Variants in MRPL3 observed in about 807,000 individuals in gnomAD.
MRPL3 encodes the protein large ribosomal subunit protein uL3m.
Under a neutral mutation model 44.3 loss-of-function variants are expected in MRPL3, and 43 were observed. The ratio of observed to expected loss-of-function variants is 0.97; its 90% CI spans 0.76 to 1.25. The LOEUF (loss-of-function observed/expected upper bound fraction) is 1.25, where lower values mean the gene tolerates loss of function less well. Among genes scored for constraint, MRPL3 ranks in the 50% most tolerant of loss-of-function variants. The probability of loss-of-function intolerance (pLI) is 0.00; values close to 1 mark genes in which losing one functional copy is unlikely to be tolerated. For missense variants in MRPL3, 406 were observed against 427.6 expected (o/e 0.95, Z 0.45); for synonymous variants, 171 against 152.3 (o/e 1.12, Z -0.91).
chr3:131,493,641 T>C (rs968340207), intron 4 of MRPL3, among the ~76,000 whole-genome samples: 2 of 152,186 alleles, frequency 1.3e-5, no homozygotes, highest in Non-Finnish European at 2.9e-5. Context: ...TCTTCCCACT[T>C]TTCTACTCTT....
intron 6 of MRPL3, among the ~76,000 whole-genome samples, chr3:131,480,550 T>C (rs1933961028): frequency 6.6e-6 from 1 of 152,224 alleles, no homozygotes; most frequent in Non-Finnish European, 1.5e-5. Context: ...TTACGGCTTT[T>C]CTGACATCAA....
intron 2 of MRPL3, 149 bp from the exon 3 acceptor site, chr3:131,500,670 T>A (rs1234923526): frequency 1.6e-6 from 1 of 627,662 alleles, no homozygotes; most frequent in Non-Finnish European, 2.8e-6. Flanking sequence ...GTAGGACTGT[T>A]CTTTACAGAT....
chr3:131,500,494 A>C lies in MRPL3; in HGVS notation c.305T>G (p.Leu102Trp), dbSNP rs751245489. ...PGSFRVGLIA[L>W]KLGMMPLWTK... is the part of the protein sequence containing the mutation. ...CCATAAAGGCATCATGCCCAGCTTC[A>C]AGGCAATAAGACCAACTCTAAAGGA... The change falls in exon 3 of 10, where the codon TTG becomes TGG. Residue 102 changes from leucine (L) to tryptophan (W), a missense_variant. By Grantham distance (61) the Leu-to-Trp change is moderately conservative. Coordinates refer to ENST00000264995, the MANE Select transcript of MRPL3 (RefSeq NM_007208.4). 1.2e-6 allele frequency: 2 copies of C among 1,613,788 alleles called. No individual in the cohort carries two copies. Among genetic ancestry groups the C allele is most frequent in the Non-Finnish European group, 1.7e-6 (2 of 1,179,880 alleles).
chr3:131,496,423 T>C (rs1016526085), intron 4 of MRPL3, among the ~76,000 whole-genome samples: 2 of 152,216 alleles, frequency 1.3e-5, no homozygotes, highest in African/African-American at 2.4e-5. Context: ...TACCATAATA[T>C]TCAAAAATAG....
At chr3:131,496,906 C>T (rs538786265) in intron 4 of MRPL3, among the ~76,000 whole-genome samples, 2 of 152,364 alleles carry the variant, frequency 1.3e-5, no homozygotes, top group South Asian at 4.1e-4. Flanking sequence ...ACCCTCCCAA[C>T]ACTGGCCCAG....
In MRPL3 at chr3:131,466,944, C is replaced by G. The variant is rs988874237; in HGVS notation, c.894+1147G>C. 8.5e-5 allele frequency among the ~76,000 whole-genome samples: 13 copies of G among 152,112 alleles called. 1 individual carries two copies. Among genetic ancestry groups the G allele is most frequent in the Admixed American group, 1.3e-4 (2 of 15,264 alleles). ...ATATAACAGAATACCGGAATGTATT[C>G]TTCCTAACTAACTCTGTGCTTGTAG... On this transcript the variant is annotated intron_variant, in intron 9 of 9. Coordinates refer to ENST00000264995, the MANE Select transcript of MRPL3 (RefSeq NM_007208.4).
intron 4 of MRPL3, among the ~76,000 whole-genome samples, chr3:131,495,481 T>A (rs1288750216): frequency 6.6e-6 from 1 of 152,188 alleles, no homozygotes; most frequent in Non-Finnish European, 1.5e-5. Flanking sequence ...CAGTACTTTC[T>A]ATGCTAGAGA....
intron 4 of MRPL3, among the ~76,000 whole-genome samples, chr3:131,495,781 C>T (rs12107006): frequency 0.037 from 5,670 of 152,134 alleles, 344 homozygotes; most frequent in African/African-American, 0.13. Context: ...AAATTGAGCT[C>T]CCATGTACTT....
chr3:131,500,474 A>G lies in MRPL3; in HGVS notation c.325T>C (p.Leu109=). The G allele has an allele frequency of 6.2e-7, 1 of 1,613,898 alleles. No homozygotes were observed. The highest frequency in any genetic ancestry group is 8.5e-7 in the Non-Finnish European group (1 of 1,179,882). The change falls in exon 3 of 10, where the codon TTA becomes CTA. Residue 109 remains leucine, a synonymous_variant. Transcript: ENST00000264995. ...LIALKLGMMP[L]WTKDGQKHVV... Reference sequence around the variant, plus strand: ...TGCTTTTGACCATCCTTGGTCCATAAAGGCATCATGCCCAGCTTCAAGGCA... The same window carrying G: ...TGCTTTTGACCATCCTTGGTCCATAGAGGCATCATGCCCAGCTTCAAGGCA...
chr3:131,473,926 G>A (rs1214941811), intron 6 of MRPL3, among the ~76,000 whole-genome samples: 1 of 152,132 alleles, frequency 6.6e-6, no homozygotes, highest in East Asian at 1.9e-4. Flanking sequence ...TGGTGAGAAC[G>A]TGGATAAGAG....
At chr3:131,465,495 T>A (rs1933581219) in intron 9 of MRPL3, among the ~76,000 whole-genome samples, 1 of 152,140 alleles carries the variant, frequency 6.6e-6, no homozygotes, top group African/African-American at 2.4e-5. Flanking sequence ...ACTTGAGAAG[T>A]CACAGCAATT....
chr3:131,486,980 G>A (rs1403848006), intron 6 of MRPL3, among the ~76,000 whole-genome samples: 1 of 152,120 alleles, frequency 6.6e-6, no homozygotes, highest in Non-Finnish European at 1.5e-5. Context: ...TATAAATCAT[G>A]CTACTATAAA....
At chr3:131,491,953 C>T (rs1934264150) in intron 4 of MRPL3, among the ~76,000 whole-genome samples, 1 of 152,056 alleles carries the variant, frequency 6.6e-6, no homozygotes, top group South Asian at 2.1e-4. Flanking sequence ...ACAATCTGAC[C>T]TCATCTTTTA....
chr3:131,492,864 CAACCAGTGT>C (rs1469449859), intron 4 of MRPL3, among the ~76,000 whole-genome samples: 2 of 152,182 alleles, frequency 1.3e-5, no homozygotes, highest in Admixed American at 6.5e-5. Context: ...AATATCACTA[CAACCAGTGT>C]CACTAAAAAC....
At chr3:131,474,288 GAC>G (rs1933805064) in intron 6 of MRPL3, among the ~76,000 whole-genome samples, 1 of 152,090 alleles carries the variant, frequency 6.6e-6, no homozygotes, top group African/African-American at 2.4e-5. Flanking sequence ...AAATATACCA[GAC>G]ACAGAAAGAC....
intron 6 of MRPL3, among the ~76,000 whole-genome samples, chr3:131,471,593 G>A (rs974549590): frequency 4.6e-5 from 7 of 152,102 alleles, no homozygotes; most frequent in Admixed American, 3.3e-4. Context: ...AGATGACACA[G>A]TAAAAATGGA....
chr3:131,490,118 T>C (rs1386106399), intron 4 of MRPL3, 38 bp from the exon 5 acceptor site: 1 of 1,403,998 alleles, frequency 7.1e-7, no homozygotes, highest in Non-Finnish European at 1.0e-6. Flanking sequence ...ATACATTGAA[T>C]ATTAAAAGTG....
intron 4 of MRPL3, among the ~76,000 whole-genome samples, chr3:131,492,856 T>A (rs73870981): frequency 0.02 from 3,043 of 152,276 alleles, 124 homozygotes; most frequent in African/African-American, 0.069. Context: ...CTATTGTAAA[T>A]ATCACTACAA....
chr3:131,477,078 T>C (rs1312101178), intron 6 of MRPL3, among the ~76,000 whole-genome samples: 2 of 152,260 alleles, frequency 1.3e-5, no homozygotes, highest in Non-Finnish European at 2.9e-5. Flanking sequence ...ATTCCCTTGC[T>C]ATACTGTGAC....
Sources: gnomAD v4.1 joint callset for allele counts (sites outside exome capture counted in the v4.1 genomes callset) on GRCh38, gnomAD v4.1.1 for gene constraint, MANE v1.5 for transcripts, NCBI Gene and HGNC (gene_info 2026-07-23, HGNC 2026-07-21) for gene names.